Variants in XRCC4 observed in about 807,000 individuals in gnomAD.
The protein encoded by XRCC4 is DNA repair protein XRCC4.
A neutral mutation model predicts 39.1 loss-of-function variants in XRCC4; 28 were observed. The ratio of observed to expected loss-of-function variants is 0.72; its 90% CI spans 0.53 to 0.98. The LOEUF is 0.98. Ranked by LOEUF, XRCC4 falls within the 50% of genes least tolerant of loss-of-function variation. The pLI is 0.00. For missense variants in XRCC4, 350 were observed against 376.4 expected, an observed-to-expected ratio of 0.93 and a Z score of 0.58; for synonymous variants, 123 against 126.4, an observed-to-expected ratio of 0.97 and a Z score of 0.18.
chr5:83,085,049 A>G (rs1467809436), intron 1 of XRCC4, among the ~76,000 whole-genome samples: 3 of 152,214 alleles, frequency 2.0e-5, no homozygotes, highest in Non-Finnish European at 4.4e-5. Flanking sequence ...GTTCATTTCC[A>G]TAGCTTTGCT....
At chr5:83,331,039 T>C (rs1348728187) in intron 7 of XRCC4, among the ~76,000 whole-genome samples, 1 of 152,064 alleles carries the variant, frequency 6.6e-6, no homozygotes, top group Non-Finnish European at 1.5e-5. Context: ...ACAGCAGGAA[T>C]AGGTAGATGC....
At chr5:83,354,194 C>T (rs1757163087), downstream of XRCC4, among the ~76,000 whole-genome samples, 1 of 152,200 alleles carries the variant, frequency 6.6e-6, no homozygotes, top group Non-Finnish European at 1.5e-5. Context: ...ATTGATTCTC[C>T]TCAGTAAACA....
chr5:83,328,308 A>T (rs1285624688), intron 7 of XRCC4, among the ~76,000 whole-genome samples: 1 of 152,092 alleles, frequency 6.6e-6, no homozygotes, highest in Non-Finnish European at 1.5e-5. Flanking sequence ...TGAGATTTGG[A>T]TGGGGACACA....
chr5:83,248,004 G>A (rs1366031218), intron 6 of XRCC4, among the ~76,000 whole-genome samples: 1 of 152,124 alleles, frequency 6.6e-6, no homozygotes, highest in Admixed American at 6.5e-5. Flanking sequence ...TGGGCACAGA[G>A]GAGACTTTGG....
At chr5:83,221,031 T>C (rs1373853577) in intron 6 of XRCC4, among the ~76,000 whole-genome samples, 2 of 152,118 alleles carry the variant, frequency 1.3e-5, no homozygotes, top group African/African-American at 4.8e-5. Flanking sequence ...CTGGCTCACA[T>C]TGTTTATTCT....
intron 1 of XRCC4, among the ~76,000 whole-genome samples, chr5:83,078,314 A>G (rs1744767812): frequency 6.6e-6 from 1 of 152,242 alleles, no homozygotes; most frequent in Admixed American, 6.5e-5. Flanking sequence ...GAATTTGCGT[A>G]GTTCTTGGAA....
intron 7 of XRCC4, among the ~76,000 whole-genome samples, chr5:83,263,111 T>C (rs1414214027): frequency 6.7e-6 from 1 of 149,498 alleles, no homozygotes; most frequent in Non-Finnish European, 1.5e-5. Flanking sequence ...TTTTTGTTCT[T>C]GCGATAGTTT....
chr5:83,084,221 C>G (rs1745083636), intron 1 of XRCC4, among the ~76,000 whole-genome samples: 1 of 152,106 alleles, frequency 6.6e-6, no homozygotes, highest in Admixed American at 6.5e-5. Context: ...AAAAAGATGG[C>G]TGTCTTTAAA....
At chr5:83,358,047 T>A (rs1466826896), downstream of XRCC4, among the ~76,000 whole-genome samples, 1 of 152,222 alleles carries the variant, frequency 6.6e-6, no homozygotes, top group African/African-American at 2.4e-5. Flanking sequence ...GAACTATTCA[T>A]GCATCCATTT....
intron 3 of XRCC4, among the ~76,000 whole-genome samples, chr5:83,190,744 T>G (rs1750657891): frequency 6.6e-6 from 1 of 152,204 alleles, no homozygotes. Flanking sequence ...TTACTGATAC[T>G]TTTATTTGTG....
At chr5:83,253,328 A>G (rs183017498) in intron 6 of XRCC4, among the ~76,000 whole-genome samples, 98 of 152,176 alleles carry the variant, frequency 6.4e-4, no homozygotes, top group Non-Finnish European at 1.0e-3. Context: ...GCAATGGGAA[A>G]CCACTCATGG....
At chr5:83,098,019 A>AGAG (rs1745759466) in intron 1 of XRCC4, among the ~76,000 whole-genome samples, 1 of 147,704 alleles carries the variant, frequency 6.8e-6, no homozygotes, top group Non-Finnish European at 1.5e-5. Flanking sequence ...ATACCCACTT[A>AGAG]TAGTGTTAGA....
At position 83,088,730 on chromosome 5, in the gene XRCC4, A is replaced by G. The variant is rs548006431; in HGVS notation, c.-11+11115A>G. 4.7e-4 allele frequency among the ~76,000 whole-genome samples: 71 copies of G among 152,266 alleles called. 1 individual carries two copies. Among genetic ancestry groups the G allele is most frequent in the African/African-American group, 1.5e-3 (61 of 41,574 alleles). On this transcript the variant is annotated intron_variant, in intron 1 of 7. Transcript: ENST00000396027. ...CTTCTCCCTAATAAGAAAATTATTC[A>G]TGATAGTTCTGTAGTTTGAAGATTG...
chr5:83,334,263 G>T (rs1445114099), intron 7 of XRCC4, among the ~76,000 whole-genome samples: 1 of 152,062 alleles, frequency 6.6e-6, no homozygotes. Context: ...TCTCTTGGTT[G>T]TAAGAACTAC....
intron 4 of XRCC4, chr5:83,202,058 A>AAC (rs1751226522): frequency 1.3e-5 from 2 of 150,622 alleles, no homozygotes; most frequent in South Asian, 4.2e-4. Context: ...AAAAAAAAAC[A>AAC]AAAAACCTGC....
chr5:83,250,871 C>T (rs138205082), intron 6 of XRCC4, among the ~76,000 whole-genome samples: 2 of 152,136 alleles, frequency 1.3e-5, no homozygotes, highest in African/African-American at 2.4e-5. Context: ...AAAGAAAAAT[C>T]GAAGCTTCAC....
chr5:83,147,156 A>G (rs959698850), intron 3 of XRCC4, among the ~76,000 whole-genome samples: 2 of 152,122 alleles, frequency 1.3e-5, no homozygotes, highest in Non-Finnish European at 2.9e-5. Context: ...GGGTGTGGTG[A>G]TGGACACCTG....
chr5:83,316,484 C>T (rs929206910), intron 7 of XRCC4, among the ~76,000 whole-genome samples: 1 of 150,230 alleles, frequency 6.7e-6, no homozygotes, highest in Non-Finnish European at 1.5e-5. Context: ...CACACATAGG[C>T]TCAAAATAAA....
Position 83,195,891 on chromosome 5 carries a change from A to G in XRCC4, c.437A>G (p.Lys146Arg). The change falls in exon 4 of 8, where the codon AAA becomes AGA. Residue 146 changes from lysine (K) to arginine (R), a missense_variant. By Grantham distance (26) the Lys-to-Arg change is conservative. Transcript: ENST00000396027. ...CAAGCCAAAAATGAGCACCTGCAGA[A>G]AGAAAATGAAAGGCTTCTGAGAGAT... Reference protein sequence around the residue: ...ENQAKNEHLQKENERLLRDWN... With the variant: ...ENQAKNEHLQRENERLLRDWN... The G allele has an allele frequency of 6.2e-7, 1 of 1,612,274 alleles. No homozygotes were observed. Among genetic ancestry groups the G allele is most frequent in the Non-Finnish European group, 8.5e-7 (1 of 1,178,884 alleles).
Sources: gnomAD v4.1 joint callset for allele counts (sites outside exome capture counted in the v4.1 genomes callset) on GRCh38, gnomAD v4.1.1 for gene constraint, MANE v1.5 for transcripts, NCBI Gene and HGNC (gene_info 2026-07-23, HGNC 2026-07-21) for gene names.